Variants in NLGN1 observed in about 807,000 individuals in gnomAD.
The protein encoded by NLGN1 is neuroligin 1, also known as neuroligin-1.
In NLGN1, 12 loss-of-function variants were observed where a neutral mutation model predicts 65.5. The ratio of observed to expected loss-of-function variants is 0.18; its 90% confidence interval spans 0.12 to 0.30. The LOEUF (loss-of-function observed/expected upper bound fraction) is 0.30, where lower values mean the gene tolerates loss of function less well. Among genes scored for constraint, NLGN1 ranks in the 10% least tolerant of loss-of-function variants. The pLI is 1.00. For synonymous variants in NLGN1, 350 were observed against 359.5 expected, an observed-to-expected ratio of 0.97 and a Z score of 0.30; for missense variants, 750 against 1,007.1, an observed-to-expected ratio of 0.74 and a Z score of 3.46.
At chr3:174,119,485 C>A (rs1323806380) in intron 4 of NLGN1, among the ~76,000 whole-genome samples, 1 of 152,128 alleles carries the variant, frequency 6.6e-6, no homozygotes, top group Non-Finnish European at 1.5e-5. Flanking sequence ...ACCTATTAGA[C>A]TGGCTAAATA....
intron 4 of NLGN1, among the ~76,000 whole-genome samples, chr3:174,225,667 C>A (rs1577446609): frequency 6.6e-6 from 1 of 151,606 alleles, no homozygotes; most frequent in East Asian, 2.0e-4. Context: ...GGAGGCGGAG[C>A]TTGCAGTGAG....
intron 4 of NLGN1, among the ~76,000 whole-genome samples, chr3:173,818,298 G>T (rs1719455220): frequency 6.6e-6 from 1 of 152,122 alleles, no homozygotes; most frequent in African/African-American, 2.4e-5. Flanking sequence ...TACAAATTTT[G>T]ATAAGTTGTA....
At chr3:173,528,477 C>G (rs1736020284) in intron 2 of NLGN1, among the ~76,000 whole-genome samples, 1 of 152,108 alleles carries the variant, frequency 6.6e-6, no homozygotes, top group Admixed American at 6.5e-5. Flanking sequence ...ATCTGAATTT[C>G]TGCATCTCTA....
chr3:173,883,594 C>T (rs1305258101), intron 4 of NLGN1, among the ~76,000 whole-genome samples: 3 of 151,998 alleles, frequency 2.0e-5, no homozygotes, highest in South Asian at 2.1e-4. Flanking sequence ...AATAAAACTG[C>T]AATATCTACA....
chr3:173,945,184 G>A (rs1579337208), intron 4 of NLGN1, among the ~76,000 whole-genome samples: 1 of 151,894 alleles, frequency 6.6e-6, no homozygotes, highest in Non-Finnish European at 1.5e-5. Context: ...TCTGAAAAAG[G>A]TGGGTGTTTT....
At chr3:174,150,990 C>T (rs6786003) in intron 4 of NLGN1, among the ~76,000 whole-genome samples, 55,636 of 151,544 alleles carry the variant, frequency 0.37, 11,903 homozygotes, top group African/African-American at 0.59. Flanking sequence ...TTGTGGACAC[C>T]CTCCTCTGCC....
chr3:173,871,099 A>G (rs1731080425), intron 4 of NLGN1, among the ~76,000 whole-genome samples: 1 of 152,140 alleles, frequency 6.6e-6, no homozygotes, highest in African/African-American at 2.4e-5. Flanking sequence ...TGAAGCTTCT[A>G]TTAAAAATTC....
chr3:174,061,985 C>T (rs569205028), intron 4 of NLGN1, among the ~76,000 whole-genome samples: 25 of 152,212 alleles, frequency 1.6e-4, no homozygotes, highest in African/African-American at 4.3e-4. Context: ...TGAAATAAAT[C>T]GGAAGCCTAG....
At chr3:173,949,249 T>C (rs1206530865) in intron 4 of NLGN1, among the ~76,000 whole-genome samples, 1 of 152,180 alleles carries the variant, frequency 6.6e-6, no homozygotes, top group Non-Finnish European at 1.5e-5. Flanking sequence ...TATTCCTTAA[T>C]ATTTCAATAA....
intron 3 of NLGN1, among the ~76,000 whole-genome samples, chr3:173,722,241 C>CTTCT (rs1770963613): frequency 1.0e-5 from 1 of 100,114 alleles, no homozygotes; most frequent in African/African-American, 3.8e-5. Flanking sequence ...TCTTCTTCTT[C>CTTCT]TTTTTTTTTT....
chr3:173,865,269 A>G (rs1160386980), intron 4 of NLGN1, among the ~76,000 whole-genome samples: 1 of 152,120 alleles, frequency 6.6e-6, no homozygotes, highest in Non-Finnish European at 1.5e-5. Context: ...ATTTTGAACC[A>G]AACTTCAACC....
chr3:173,504,632 A>T (rs888941236), intron 2 of NLGN1, among the ~76,000 whole-genome samples: 1 of 151,990 alleles, frequency 6.6e-6, no homozygotes, highest in Non-Finnish European at 1.5e-5. Context: ...CAAGATTTCC[A>T]TGTCCTCTTT....
intron 4 of NLGN1, among the ~76,000 whole-genome samples, chr3:174,005,162 C>T (rs1724105987): frequency 6.6e-6 from 1 of 152,028 alleles, no homozygotes; most frequent in African/African-American, 2.4e-5. Context: ...ATAATTTGAT[C>T]TCTGTTTCAT....
chr3:174,085,628 T>C (rs1191324140), intron 4 of NLGN1, among the ~76,000 whole-genome samples: 1 of 151,990 alleles, frequency 6.6e-6, no homozygotes, highest in African/African-American at 2.4e-5. Flanking sequence ...ACTTTATCCT[T>C]CATAGCAGAA....
intron 3 of NLGN1, among the ~76,000 whole-genome samples, chr3:173,783,444 C>T (rs1385654866): frequency 6.6e-6 from 1 of 152,134 alleles, no homozygotes. Flanking sequence ...AAGAAGGTTG[C>T]AGCTGATTAT....
At chr3:173,812,797 T>TATA (rs1553857763) in intron 4 of NLGN1, among the ~76,000 whole-genome samples, 2 of 145,512 alleles carry the variant, frequency 1.4e-5, no homozygotes, top group African/African-American at 5.0e-5. Context: ...ATATGTATTT[T>TATA]TATATATATA....
chr3:173,570,923 C>T (rs1410715864), intron 2 of NLGN1, among the ~76,000 whole-genome samples: 5 of 152,062 alleles, frequency 3.3e-5, no homozygotes, highest in African/African-American at 4.8e-5. Context: ...AGGCTGGTCT[C>T]GAACTGCTGA....
chr3:174,013,224 T>C (rs1725890465), intron 4 of NLGN1, among the ~76,000 whole-genome samples: 1 of 152,152 alleles, frequency 6.6e-6, no homozygotes, highest in Admixed American at 6.5e-5. Context: ...AATAGATATG[T>C]GGGATTCTGA....
At chr3:173,754,512 A>G (rs1776811505) in intron 3 of NLGN1, among the ~76,000 whole-genome samples, 1 of 151,992 alleles carries the variant, frequency 6.6e-6, no homozygotes, top group African/African-American at 2.4e-5. Context: ...TTATTTACTT[A>G]GTGTATTATC....
Sources: allele counts gnomAD v4.1 joint callset (sites outside exome capture counted in the v4.1 genomes callset), GRCh38; gene constraint gnomAD v4.1.1; transcripts MANE v1.5; gene names NCBI Gene and HGNC (gene_info 2026-07-23, HGNC 2026-07-21).